The following ANKZF1 variants were observed in gnomAD, a reference collection of about 807,000 sequenced individuals.
ANKZF1 encodes ankyrin repeat and zinc finger peptidyl tRNA hydrolase 1.
Under a neutral mutation model 86.0 loss-of-function variants are expected in ANKZF1, and 84 were observed. The ratio of observed to expected loss-of-function variants is 0.98; its 90% CI spans 0.82 to 1.17. The LOEUF is 1.17. ANKZF1 is among the 50% of genes most tolerant of loss of function. ANKZF1 has a pLI of 0.00. For missense variants in ANKZF1, 893 were observed against 918.4 expected (o/e 0.97, Z 0.36); for synonymous variants, 331 against 354.2 (o/e 0.93, Z 0.74).
chr2:219,231,807 G>A, intron 2 of ANKZF1, 121 bp from the exon 3 acceptor site: 1 of 763,400 alleles, frequency 1.3e-6, no homozygotes, highest in South Asian at 1.5e-5. Context: ...ATTCCTTGAA[G>A]GCAGTATCAT....
At chr2:219,230,987 G>A (rs1951017255) in intron 2 of ANKZF1, 1 of 152,178 alleles carries the variant, frequency 6.6e-6, no homozygotes, top group Non-Finnish European at 1.5e-5. Flanking sequence ...GATCCGCCTG[G>A]GTCAGCCTCC....
rs2106459717 is a variant in ANKZF1, at chr2:219,232,621, C to G, written c.496C>G (p.Leu166Val). ...RPPGFYPHRV[L>V]FQNAQGQFLY... The stretch of plus-strand genomic sequence containing the variant: ...CCCAGGCTTTTACCCTCATCGAGTT[C>G]TTTTCCAGAATGCCCAGGGCCAGTT... Residue 166 changes from leucine (L) to valine (V), a missense_variant, in exon 5 of 14, where the codon CTT becomes GTT. Transcript: ENST00000323348. The G allele has an allele frequency of 6.2e-7, 1 of 1,614,174 alleles. No homozygotes were observed. Among genetic ancestry groups the G allele is most frequent in the Middle Eastern group, 1.7e-4 (1 of 6,058 alleles).
chr2:219,234,432 A>G, intron 9 of ANKZF1, 144 bp downstream of exon 9: 2 of 1,058,186 alleles, frequency 1.9e-6, no homozygotes, highest in Non-Finnish European at 2.9e-6. Context: ...AGACATGTTT[A>G]GTGACCTTTC....
Position 219,234,870 on chromosome 2 carries a change from C to T in ANKZF1, c.1249C>T (p.Leu417=), listed in dbSNP as rs752886051. ...GEDGFQVELE[L]VELTVGTLDL... ...AGATGGCTTTCAGGTAGAGTTGGAGCTAGTGGAGTTGACTGTGGGGACTCT... is the reference window on the plus strand; with the variant it reads ...AGATGGCTTTCAGGTAGAGTTGGAGTTAGTGGAGTTGACTGTGGGGACTCT... The change falls in exon 10 of 14, where the codon CTA becomes TTA. Residue 417 remains leucine, a synonymous_variant. Transcript: ENST00000323348. The T allele has an allele frequency of 1.9e-5, 30 of 1,613,840 alleles. No individual in the cohort carries two copies. The highest frequency in any genetic ancestry group is 2.4e-5 in the Non-Finnish European group (28 of 1,179,950).
At chr2:219,230,050 G>T in intron 1 of ANKZF1, 150 bp downstream of exon 1, 1 of 514,372 alleles carries the variant, frequency 1.9e-6, no homozygotes, top group Non-Finnish European at 3.4e-6. Flanking sequence ...TTCTTTTGTG[G>T]GCTGAGACTG....
intron 2 of ANKZF1, chr2:219,231,357 A>G (rs1951027905): frequency 9.0e-6 from 2 of 222,562 alleles, no homozygotes; most frequent in Non-Finnish European, 2.0e-5. Context: ...CAGAATGCCC[A>G]GGGCCAGTTT....
chr2:219,232,668 C>T lies in ANKZF1; in HGVS notation c.543C>T (p.Val181=). 6.2e-7 allele frequency: 1 copy of T among 1,614,014 alleles called. No individual in the cohort carries two copies. The highest frequency in any genetic ancestry group is 8.5e-7 in the Non-Finnish European group (1 of 1,180,012). ...AGTTTCTTTATGCCTACCGCTGTGT[C>T]CTAGGCCCTCATCAGGCAAGTGACA... ...QGQFLYAYRC[V]LGPHQDPPEE... is the part of the protein sequence containing the mutation. The change falls in exon 5 of 14, where the codon GTC becomes GTT. Residue 181 remains valine (V), a synonymous_variant. Coordinates refer to ENST00000323348, the MANE Select transcript of ANKZF1 (RefSeq NM_018089.3).
At chr2:219,236,271 T>C in intron 13 of ANKZF1, 51 bp from the exon 14 acceptor site, 2 of 1,612,628 alleles carry the variant, frequency 1.2e-6, no homozygotes, top group Non-Finnish European at 1.7e-6. Context: ...AGAGCGTGGA[T>C]TGGAAAGTTT....
rs115949101 is a variant in ANKZF1, at chr2:219,234,191, A to C, written c.1107A>C (p.Val369=). The change falls in exon 9 of 14, where the codon GTA becomes GTC. Residue 369 remains valine, a synonymous_variant. Transcript: ENST00000323348. Reference sequence around the variant, plus strand: ...CACCTCAGACACACTGGAAAACAGTAAGAGAGGAGAGAAAGAAGCCTACTG... The same window carrying C: ...CACCTCAGACACACTGGAAAACAGTCAGAGAGGAGAGAAAGAAGCCTACTG... ...LHSPQTHWKT[V]REERKKPTEE... 6,599 of 1,614,132 alleles carry C rather than the reference A, an allele frequency of 4.1e-3. 17 individuals are homozygous for C. The highest frequency in any genetic ancestry group is 4.8e-3 in the Non-Finnish European group (5,648 of 1,180,000).
rs1951087398 is a variant in ANKZF1 at position 219,233,016 on chromosome 2, C to T, written c.559-63C>T. ...ATGAGATAATGTTTGTGAAAATTGG[C>T]CCTTAGTTTCTTGCTCTCAGTGAAT... On this transcript the variant is annotated intron_variant, in intron 5 of 13. Transcript: ENST00000323348. 32 of 1,431,310 alleles carry T rather than the reference C, an allele frequency of 2.2e-5. No individual in the cohort carries two copies. In the South Asian group the frequency reaches 3.5e-4, roughly 15 times the overall value. 88.7% of individuals were successfully genotyped at this position (1,431,310 alleles called of 1,614,324 possible). A position where few individuals can be genotyped will look rare whatever the true frequency, so the allele number is the denominator to read the frequency against.
At chr2:219,233,561 A>T in intron 7 of ANKZF1, 128 bp downstream of exon 7, 2 of 1,407,254 alleles carry the variant, frequency 1.4e-6, no homozygotes, top group Non-Finnish European at 9.6e-7. Flanking sequence ...AGACAAAGGT[A>T]GATGAGGGAT....
chr2:219,234,776 A>G, intron 9 of ANKZF1, 50 bp from the exon 10 acceptor site: 1 of 1,543,144 alleles, frequency 6.5e-7, no homozygotes, highest in Non-Finnish European at 8.7e-7. Flanking sequence ...ATCTGCTTCT[A>G]CCCTCTGAGT....
rs72955444 is a variant in ANKZF1 at position 219,229,951 on chromosome 2, T to G, written c.-31+51T>G. The G allele has an allele frequency of 0.093, 25,469 of 274,982 alleles. 1,518 individuals carry two copies. The highest frequency in any genetic ancestry group is 0.18 in the South Asian group (3,189 of 17,386). The allele number at this position is 274,982 out of a possible 1,614,324, so 17.0% of individuals were successfully genotyped here. ...GTTTACGCGGGCCAGTTGTTGCTGG[T>G]CGCATGGGTAACGAAGAAAGTTCGG... On this transcript the variant is annotated intron_variant, in intron 1 of 13. Coordinates refer to ENST00000323348, the MANE Select transcript of ANKZF1 (RefSeq NM_018089.3). This position sits in a 1 kb window ranked among gnomAD's most constrained non-coding sequence, Gnocchi z 4.2.
chr2:219,234,694 A>G, intron 9 of ANKZF1, 132 bp from the exon 10 acceptor site: 8 of 1,220,456 alleles, frequency 6.6e-6, no homozygotes, highest in Non-Finnish European at 9.1e-6. Flanking sequence ...TAATGGACTC[A>G]GCTCTTGATG....
At chr2:219,235,418 G>T (rs1312320009) in intron 10 of ANKZF1, 56 bp from the exon 11 acceptor site, 1 of 1,607,498 alleles carries the variant, frequency 6.2e-7, no homozygotes, top group Non-Finnish European at 8.5e-7. Context: ...CTGGTTGGGT[G>T]ATGTTGGGAA....
At chr2:219,230,549 G>A (rs1199575893) in intron 2 of ANKZF1, 144 bp downstream of exon 2, 16 of 1,149,182 alleles carry the variant, frequency 1.4e-5, no homozygotes, top group Non-Finnish European at 1.8e-5. Context: ...TTAATCTCTG[G>A]GTAATGTCCA....
chr2:219,231,211 CTG>C (rs753086814), intron 2 of ANKZF1: 13 of 162,260 alleles, frequency 8.0e-5, no homozygotes, highest in South Asian at 4.8e-4. Flanking sequence ...CCTAAACAAT[CTG>C]TTTGGCTAAT....
rs775832407 is a variant in ANKZF1, at chr2:219,233,376, G to A, written c.762G>A (p.Gly254=). The A allele has an allele frequency of 3.7e-6, 6 of 1,614,132 alleles. No homozygotes were observed. In the East Asian group the frequency reaches 1.3e-4, roughly 36 times the overall value. The change falls in exon 7 of 14, where the codon GGG becomes GGA. Residue 254 remains glycine (G), a synonymous_variant. Transcript: ENST00000323348. ...TAQGLRDARG[G]PSHSAGANLR... The stretch of plus-strand genomic sequence containing the variant: ...AGGGGCTTCGGGATGCCCGAGGTGG[G>A]CCATCACACTCTGCTGGAGCCAACC...
chr2:219,236,110 A>G lies in ANKZF1; in HGVS notation c.2057+15A>G, dbSNP rs1311052777. On this transcript the variant is annotated intron_variant, in intron 13 of 13. Transcript: ENST00000323348. ...GTCAATACTCGGTATGGGGTGCGGG[A>G]TGAGGGAGTGGGTGGACTGTAATGT... 55 of 1,613,950 alleles carry G rather than the reference A, an allele frequency of 3.4e-5. No homozygotes were observed. The highest frequency in any genetic ancestry group is 4.6e-5 in the Non-Finnish European group (54 of 1,179,966).
Sources: gnomAD v4.1 joint callset for allele counts on GRCh38, gnomAD v4.1.1 for gene constraint, Gnocchi (gnomAD v3.1) non-coding constraint, MANE v1.5 for transcripts, NCBI Gene and HGNC (gene_info 2026-07-23, HGNC 2026-07-21) for gene names.